PDSS2: variants seen among roughly 807,000 people sequenced by gnomAD.
PDSS2 encodes decaprenyl diphosphate synthase subunit 2.
PDSS2 carries 31 observed loss-of-function variants against 44.5 expected under a neutral mutation model. That is an observed-to-expected ratio of 0.70 (90% CI 0.52 to 0.94). PDSS2 has a LOEUF of 0.94. PDSS2 is among the 40% of genes least tolerant of loss of function. The pLI is 0.00. For missense variants in PDSS2, 452 were observed against 482.2 expected (o/e 0.94, Z 0.59); for synonymous variants, 157 against 180.3 (o/e 0.87, Z 1.03).
chr6:107,254,512 G>A (rs374563262), intron 3 of PDSS2, among the ~76,000 whole-genome samples: 1 of 152,150 alleles, frequency 6.6e-6, no homozygotes. Flanking sequence ...ACGTAAAACT[G>A]ATTATCATAT....
intron 4 of PDSS2, among the ~76,000 whole-genome samples, chr6:107,242,026 G>A (rs569851924): frequency 6.6e-6 from 1 of 152,142 alleles, no homozygotes; most frequent in Non-Finnish European, 1.5e-5. Context: ...CACTCCATGT[G>A]GGGGCAGTGC....
intron 1 of PDSS2, among the ~76,000 whole-genome samples, chr6:107,339,255 T>C (rs976694449): frequency 2.0e-5 from 3 of 152,234 alleles, no homozygotes; most frequent in East Asian, 1.9e-4. Flanking sequence ...CTTTACTACA[T>C]TTAATTATCT....
chr6:107,182,528 T>C (rs1772020570), intron 7 of PDSS2, among the ~76,000 whole-genome samples: 1 of 152,190 alleles, frequency 6.6e-6, no homozygotes, highest in Admixed American at 6.5e-5. Context: ...TTTTGCCATG[T>C]TGGCCAGGCT....
chr6:107,312,532 A>G (rs900364996), intron 2 of PDSS2, among the ~76,000 whole-genome samples: 4 of 152,192 alleles, frequency 2.6e-5, no homozygotes, highest in Non-Finnish European at 5.9e-5. Flanking sequence ...CCCATCTGTT[A>G]AATGGGGATG....
intron 2 of PDSS2, among the ~76,000 whole-genome samples, chr6:107,298,849 A>G (rs1429522549): frequency 6.6e-6 from 1 of 152,184 alleles, no homozygotes; most frequent in Non-Finnish European, 1.5e-5. Context: ...CAAGAAACAT[A>G]TACCAAATAG....
intron 3 of PDSS2, among the ~76,000 whole-genome samples, chr6:107,257,960 A>T (rs1175547425): frequency 6.6e-6 from 1 of 152,174 alleles, no homozygotes; most frequent in Admixed American, 6.5e-5. Flanking sequence ...CATGCAATGC[A>T]CACACAAAAA....
At chr6:107,248,361 A>G (rs1214705058) in intron 3 of PDSS2, among the ~76,000 whole-genome samples, 1 of 152,004 alleles carries the variant, frequency 6.6e-6, no homozygotes, top group African/African-American at 2.4e-5. Context: ...GTTGCTATAG[A>G]TAAGTGCAAC....
chr6:107,388,737 C>T lies in PDSS2; in HGVS notation c.297-54405G>A, dbSNP rs566281275. On this transcript the variant is annotated intron_variant, in intron 1 of 7. Coordinates refer to ENST00000369037, the MANE Select transcript of PDSS2 (RefSeq NM_020381.4). ...CCTCCCAAAGTGCTGGGATTACAGG[C>T]GTGAGCCACCGTGCTCGGCCATATG... 5.9e-5 allele frequency among the ~76,000 whole-genome samples: 9 copies of T among 152,292 alleles called. No individual in the cohort carries two copies. The East Asian group carries it at 1.7e-3, about 29-fold the overall frequency.
At chr6:107,379,582 T>C (rs995869794) in intron 1 of PDSS2, among the ~76,000 whole-genome samples, 2 of 152,210 alleles carry the variant, frequency 1.3e-5, no homozygotes, top group African/African-American at 2.4e-5. Flanking sequence ...GTGGTTGCTG[T>C]GTTATTTGGT....
chr6:107,422,430 T>C (rs1780855890), intron 1 of PDSS2, among the ~76,000 whole-genome samples: 1 of 152,040 alleles, frequency 6.6e-6, no homozygotes, highest in Non-Finnish European at 1.5e-5. Context: ...CAATAGAAGA[T>C]ATTCATACTC....
chr6:107,455,753 T>TC (rs1273421703), intron 1 of PDSS2, among the ~76,000 whole-genome samples: 11 of 32,318 alleles, frequency 3.4e-4, no homozygotes, highest in Admixed American at 5.8e-4. Flanking sequence ...AGACTCTGTC[T>TC]CAAAAAAAAA....
At chr6:107,161,036 C>A (rs532974941) in intron 7 of PDSS2, among the ~76,000 whole-genome samples, 12 of 152,086 alleles carry the variant, frequency 7.9e-5, no homozygotes, top group Admixed American at 7.2e-4. Flanking sequence ...CTGCGCATGG[C>A]CAATTTTTGT....
intron 1 of PDSS2, among the ~76,000 whole-genome samples, chr6:107,362,852 G>T (rs1385551487): frequency 6.6e-6 from 1 of 152,108 alleles, no homozygotes; most frequent in East Asian, 1.9e-4. Context: ...GAAATCAAAT[G>T]GAAATTCTGG....
intron 7 of PDSS2, among the ~76,000 whole-genome samples, chr6:107,163,438 A>C (rs546904966): frequency 6.6e-5 from 10 of 152,274 alleles, no homozygotes; most frequent in Non-Finnish European, 1.5e-4. Context: ...ATCCTTCATG[A>C]AAGGTATTAT....
At chr6:107,301,848 C>T (rs554851540) in intron 2 of PDSS2, among the ~76,000 whole-genome samples, 5 of 137,260 alleles carry the variant, frequency 3.6e-5, no homozygotes, top group East Asian at 4.6e-4. Context: ...GCACTGAACT[C>T]GGGAGGTGGA....
chr6:107,376,705 C>G (rs889665827), intron 1 of PDSS2, among the ~76,000 whole-genome samples: 1 of 151,996 alleles, frequency 6.6e-6, no homozygotes, highest in Non-Finnish European at 1.5e-5. Context: ...CGTCTGCAAA[C>G]AGGGACAATT....
At chr6:107,408,539 C>T (rs1428686775) in intron 1 of PDSS2, among the ~76,000 whole-genome samples, 1 of 152,104 alleles carries the variant, frequency 6.6e-6, no homozygotes, top group African/African-American at 2.4e-5. Context: ...AGTGTCCTAC[C>T]CGTCTATGCC....
chr6:107,337,528 G>A (rs1305481445), intron 1 of PDSS2, among the ~76,000 whole-genome samples: 1 of 152,132 alleles, frequency 6.6e-6, no homozygotes, highest in Non-Finnish European at 1.5e-5. Context: ...TATAAAATGA[G>A]GGTAACAATG....
chr6:107,164,474 T>C (rs1367220290), intron 7 of PDSS2, among the ~76,000 whole-genome samples: 1 of 152,180 alleles, frequency 6.6e-6, no homozygotes, highest in Admixed American at 6.6e-5. Context: ...GTTTCATCCA[T>C]GTCCCTACAC....
Sources: allele counts gnomAD v4.1 joint callset (sites outside exome capture counted in the v4.1 genomes callset), GRCh38; gene constraint gnomAD v4.1.1; transcripts MANE v1.5; gene names NCBI Gene and HGNC (gene_info 2026-07-23, HGNC 2026-07-21).